NNMT: variants seen among roughly 807,000 people sequenced by gnomAD.
The protein encoded by NNMT is nicotinamide N-methyltransferase.
NNMT carries 10 observed loss-of-function variants against 11.7 expected under a neutral mutation model. That is an observed-to-expected ratio of 0.85 (90% CI 0.53 to 1.45). The LOEUF is 1.45. Ranked by LOEUF, NNMT falls within the 40% of genes most tolerant of loss-of-function variation. The pLI is 0.00. For missense variants in NNMT, 381 were observed against 319.4 expected, an observed-to-expected ratio of 1.19 and a Z score of -1.47; for synonymous variants, 143 against 133.8, an observed-to-expected ratio of 1.07 and a Z score of -0.48.
intron 1 of NNMT, among the ~76,000 whole-genome samples, chr11:114,259,703 ACTC>A (rs71640249): frequency 1.2e-5 from 1 of 81,500 alleles, no homozygotes; most frequent in African/African-American, 4.4e-5. Flanking sequence ...GTGAAAGTGA[ACTC>A]GCTCATTTAA....
chr11:114,288,757 A>G (rs1180126596), intron 2 of NNMT, among the ~76,000 whole-genome samples: 1 of 152,190 alleles, frequency 6.6e-6, no homozygotes. Context: ...AAATTTTAGT[A>G]ATATGTCCAA....
chr11:114,310,625 T>C (rs1359142271), intron 2 of NNMT, among the ~76,000 whole-genome samples: 1 of 152,242 alleles, frequency 6.6e-6, no homozygotes, highest in African/African-American at 2.4e-5. Context: ...CAAGCCTTGA[T>C]GCCCAAGTGG....
At chr11:114,304,708 G>T (rs1945472809) in intron 2 of NNMT, among the ~76,000 whole-genome samples, 1 of 152,230 alleles carries the variant, frequency 6.6e-6, no homozygotes, top group African/African-American at 2.4e-5. Context: ...TGGCCATAGT[G>T]GTGCACACCC....
In NNMT at chr11:114,298,134, ATG is replaced by A; in HGVS notation, c.345_346del (p.Cys115Ter). ...TTTGACTGGTCCCCAGTGGTGACCT[ATG>A]TGTGTGATCTTGAAGGGAACAGGTA... is the stretch of plus-strand genomic sequence containing the variant. On this transcript the variant is annotated frameshift_variant, in exon 2 of 3. Coordinates refer to ENST00000299964, the MANE Select transcript of NNMT (RefSeq NM_006169.3). LOFTEE classifies it low-confidence loss of function (END_TRUNC). 1 of 1,614,084 alleles carries A rather than the reference ATG, an allele frequency of 6.2e-7. No individual in the cohort carries two copies. The highest frequency in any genetic ancestry group is 8.5e-7 in the Non-Finnish European group (1 of 1,179,952).
In NNMT at chr11:114,299,651, A is replaced by C. The variant is rs150651068; in HGVS notation, c.362+1493A>C. 1.2e-3 allele frequency among the ~76,000 whole-genome samples: 184 copies of C among 152,288 alleles called. 1 individual carries two copies. Among genetic ancestry groups the C allele is most frequent in the African/African-American group, 4.2e-3 (176 of 41,580 alleles). ...ACCAGCGAAGCCAGGTGAATCTGAA[A>C]TTTTTGTGCGAGAGAAGACTTTATT... On this transcript the variant is annotated intron_variant, in intron 2 of 2. Transcript: ENST00000299964.
chr11:114,310,302 T>C (rs1945538027), intron 2 of NNMT, among the ~76,000 whole-genome samples: 1 of 152,248 alleles, frequency 6.6e-6, no homozygotes, highest in African/African-American at 2.4e-5. Flanking sequence ...ATAGCCGTCA[T>C]AGTGATGTGA....
intron 2 of NNMT, among the ~76,000 whole-genome samples, chr11:114,309,724 T>C (rs1176934761): frequency 6.6e-6 from 1 of 152,242 alleles, no homozygotes; most frequent in Non-Finnish European, 1.5e-5. Flanking sequence ...CAATCAATTT[T>C]ACAACATTTT....
chr11:114,308,448 C>T (rs1945512583), intron 2 of NNMT, among the ~76,000 whole-genome samples: 1 of 152,188 alleles, frequency 6.6e-6, no homozygotes, highest in Non-Finnish European at 1.5e-5. Context: ...GATAGTTCAC[C>T]TGGAATGTGG....
intron 2 of NNMT, among the ~76,000 whole-genome samples, chr11:114,300,549 T>C (rs1335037631): frequency 1.3e-5 from 2 of 152,168 alleles, no homozygotes; most frequent in East Asian, 1.9e-4. Flanking sequence ...AGGTTGATAG[T>C]ATCATTCAAA....
chr11:114,312,206 C>T lies in NNMT; in HGVS notation c.524C>T (p.Thr175Ile), dbSNP rs769664289. ...GATGCCGCCTGCCCAGACCTCCCCA[C>T]CTACTGCAGGGCGCTCAGGAACCTC... ...CLDAACPDLP[T>I]YCRALRNLGS... The change falls in exon 3 of 3, where the codon ACC (threonine) becomes ATC (isoleucine). Residue 175 changes from threonine (T) to isoleucine (I), a missense_variant. Physicochemically the swap from Thr to Ile is moderately conservative, Grantham distance 89. Coordinates refer to ENST00000299964, the MANE Select transcript of NNMT (RefSeq NM_006169.3). 1.2e-6 allele frequency: 2 copies of T among 1,614,106 alleles called. No homozygotes were observed. The highest frequency in any genetic ancestry group is 2.7e-5 in the African/African-American group (2 of 74,948).
intron 2 of NNMT, among the ~76,000 whole-genome samples, chr11:114,284,724 A>T (rs1945284871): frequency 6.8e-6 from 1 of 147,720 alleles, no homozygotes; most frequent in African/African-American, 2.5e-5. Flanking sequence ...GGCCTCCCAA[A>T]GTGCTGAGAT....
intron 2 of NNMT, among the ~76,000 whole-genome samples, chr11:114,282,167 T>A (rs140165478): frequency 6.6e-6 from 1 of 152,240 alleles, no homozygotes; most frequent in African/African-American, 2.4e-5. Context: ...AAGGCTGCAA[T>A]GAGTTGTGAT....
chr11:114,309,547 G>C (rs1343929235), intron 2 of NNMT, among the ~76,000 whole-genome samples: 1 of 151,662 alleles, frequency 6.6e-6, no homozygotes, highest in Non-Finnish European at 1.5e-5. Context: ...TGGTTGGTAG[G>C]AATTCCCCCA....
At chr11:114,301,897 C>G (rs916885137) in intron 2 of NNMT, among the ~76,000 whole-genome samples, 3 of 151,920 alleles carry the variant, frequency 2.0e-5, no homozygotes, top group African/African-American at 7.3e-5. Flanking sequence ...CTATCTCACT[C>G]TCTTGTCCTG....
intron 2 of NNMT, among the ~76,000 whole-genome samples, chr11:114,305,744 A>G (rs1591839137): frequency 6.6e-6 from 1 of 152,046 alleles, no homozygotes; most frequent in East Asian, 1.9e-4. Flanking sequence ...AATCCAGTCT[A>G]TCATTGTTGG....
At chr11:114,261,603 A>C (rs577846747) in intron 1 of NNMT, among the ~76,000 whole-genome samples, 5 of 151,900 alleles carry the variant, frequency 3.3e-5, no homozygotes, top group Non-Finnish European at 7.4e-5. Flanking sequence ...CAAACAAACA[A>C]ACAAACAAAA....
chr11:114,276,850 T>A lies in NNMT; in HGVS notation c.-130+13916T>A, dbSNP rs370824744. ...CCGCATCAGGAGACATGGCTTTTCCTCTTTGGCTCTCTGACTTACTTGCTC... is the reference window on the plus strand; with the variant it reads ...CCGCATCAGGAGACATGGCTTTTCCACTTTGGCTCTCTGACTTACTTGCTC... On this transcript the variant is annotated intron_variant, in intron 2 of 4. Transcript: ENST00000535401. Among the ~76,000 whole-genome samples, 8 of 152,364 alleles carry A rather than the reference T, an allele frequency of 5.3e-5. No individual in the cohort carries two copies. The South Asian group carries it at 1.7e-3, about 32-fold the overall frequency.
At chr11:114,287,873 C>T (rs551138427) in intron 2 of NNMT, among the ~76,000 whole-genome samples, 2 of 152,076 alleles carry the variant, frequency 1.3e-5, no homozygotes, top group Non-Finnish European at 2.9e-5. Flanking sequence ...CATGAAGTGG[C>T]GTATTTCTCC....
At position 114,276,338 on chromosome 11, in the gene NNMT, C is replaced by G. The variant is rs552210306; in HGVS notation, c.-130+13404C>G. On this transcript the variant is annotated intron_variant, in intron 2 of 4. Transcript: ENST00000535401. ...AGGCTCAGCAGGCAGCTGAGAGCCA[C>G]TTCCACGACTGCCCAGTTGACCCAG... 2.6e-4 allele frequency among the ~76,000 whole-genome samples: 39 copies of G among 152,240 alleles called. No individual in the cohort carries two copies. In the South Asian group the frequency reaches 6.6e-3, roughly 26 times the overall value.
Sources: allele counts gnomAD v4.1 joint callset (sites outside exome capture counted in the v4.1 genomes callset), GRCh38; gene constraint gnomAD v4.1.1; transcripts MANE v1.5; gene names NCBI Gene and HGNC (gene_info 2026-07-23, HGNC 2026-07-21).